The following HECW2 variants were observed in gnomAD, a reference collection of about 807,000 sequenced individuals.
HECW2 encodes E3 ubiquitin-protein ligase HECW2.
In HECW2, 61 loss-of-function variants were observed where a neutral mutation model predicts 175.2. That is an observed-to-expected ratio of 0.35 (90% CI 0.28 to 0.43). The LOEUF is 0.43. HECW2 is among the 20% of genes least tolerant of loss of function. HECW2 has a pLI of 1.00. For missense variants in HECW2, 1,524 were observed against 2,000.5 expected (o/e 0.76, Z 4.54); for synonymous variants, 671 against 731.0 (o/e 0.92, Z 1.32).
At chr2:196,449,878 C>CA (rs1003484056) in intron 1 of HECW2, among the ~76,000 whole-genome samples, 4 of 152,056 alleles carry the variant, frequency 2.6e-5, no homozygotes, top group Admixed American at 2.0e-4. Flanking sequence ...CCACCCTTTG[C>CA]AATGGTGTGA....
At chr2:196,500,077 G>C (rs2125400783) in intron 1 of HECW2, among the ~76,000 whole-genome samples, 1 of 152,032 alleles carries the variant, frequency 6.6e-6, no homozygotes, top group Admixed American at 6.6e-5. Flanking sequence ...CCCCAAAAAT[G>C]TTCCTCCTCA....
At chr2:196,363,897 A>G (rs898694130) in intron 2 of HECW2, among the ~76,000 whole-genome samples, 3 of 152,166 alleles carry the variant, frequency 2.0e-5, no homozygotes, top group African/African-American at 4.8e-5. Context: ...TCTTTTTGGC[A>G]TCAAAGTTGG....
rs550708352 is a variant in HECW2, at chr2:196,470,517, T to C, written c.-35-37059A>G. Among the ~76,000 whole-genome samples the C allele has an allele frequency of 3.0e-3, 462 of 152,304 alleles. 10 individuals carry two copies. Among genetic ancestry groups the C allele is most frequent in the Admixed American group, 4.6e-3 (71 of 15,292 alleles). On this transcript the variant is annotated intron_variant, in intron 1 of 28. Transcript: ENST00000644978. Reference sequence around the variant, plus strand: ...GTCTCTTGCTTTCATATTGAAGTTGTGTTTTGGAGTTTTGTTTTGTTTTCA... The same window carrying C: ...GTCTCTTGCTTTCATATTGAAGTTGCGTTTTGGAGTTTTGTTTTGTTTTCA...
At chr2:196,485,486 C>T (rs1440043947) in intron 1 of HECW2, among the ~76,000 whole-genome samples, 2 of 152,206 alleles carry the variant, frequency 1.3e-5, no homozygotes, top group Non-Finnish European at 2.9e-5. Context: ...CTCTCTGCTT[C>T]CAAGATGGTG....
At chr2:196,490,961 ATAAT>A (rs1251808927) in intron 1 of HECW2, among the ~76,000 whole-genome samples, 1 of 152,222 alleles carries the variant, frequency 6.6e-6, no homozygotes, top group Non-Finnish European at 1.5e-5. Flanking sequence ...GGGTGGGAAA[ATAAT>A]TAACTGTAAA....
intron 2 of HECW2, among the ~76,000 whole-genome samples, chr2:196,419,962 A>G (rs1434851932): frequency 5.3e-5 from 8 of 152,194 alleles, no homozygotes; most frequent in Non-Finnish European, 8.8e-5. Flanking sequence ...AGGCATTACG[A>G]TGGTTCTGGT....
chr2:196,483,426 C>T lies in HECW2; in HGVS notation c.-35-49968G>A, dbSNP rs1052621599. Among the ~76,000 whole-genome samples, 7 of 152,298 alleles carry T rather than the reference C, an allele frequency of 4.6e-5. No individual in the cohort carries two copies. In the South Asian group the frequency reaches 1.2e-3, roughly 27 times the overall value. ...TGATAAGTGTGACAGAATCAATTGC[C>T]ATGGAACACAAAGGGAAAACATCTA... On this transcript the variant is annotated intron_variant, in intron 1 of 28. Coordinates refer to ENST00000644978, the MANE Select transcript of HECW2 (RefSeq NM_001348768.2).
At chr2:196,467,205 A>G (rs1696988915) in intron 1 of HECW2, among the ~76,000 whole-genome samples, 1 of 152,258 alleles carries the variant, frequency 6.6e-6, no homozygotes, top group South Asian at 2.1e-4. Flanking sequence ...AACTCTGCAT[A>G]TGCATTCTTA....
chr2:196,335,197 G>A (rs1217863431), intron 3 of HECW2, among the ~76,000 whole-genome samples: 1 of 152,158 alleles, frequency 6.6e-6, no homozygotes, highest in Non-Finnish European at 1.5e-5. Context: ...ACAGCTTGTG[G>A]CAATCCACAC....
intron 17 of HECW2, among the ~76,000 whole-genome samples, chr2:196,265,491 C>T (rs1040056071): frequency 6.6e-6 from 1 of 151,946 alleles, no homozygotes; most frequent in African/African-American, 2.4e-5. Flanking sequence ...GTCCGCTCCC[C>T]ACCCCCAAAA....
chr2:196,569,940 A>G (rs2125512246), intron 1 of HECW2, among the ~76,000 whole-genome samples: 1 of 152,380 alleles, frequency 6.6e-6, no homozygotes, highest in African/African-American at 2.4e-5. Flanking sequence ...AGGTAGGAGA[A>G]TGCCTGAACC....
intron 2 of HECW2, among the ~76,000 whole-genome samples, chr2:196,348,474 C>G (rs1422110075): frequency 6.6e-6 from 1 of 151,912 alleles, no homozygotes; most frequent in African/African-American, 2.4e-5. Context: ...AAGACCCTGT[C>G]TCTACAAAAA....
chr2:196,548,890 T>C (rs1376517173), intron 1 of HECW2, among the ~76,000 whole-genome samples: 1 of 152,084 alleles, frequency 6.6e-6, no homozygotes, highest in Non-Finnish European at 1.5e-5. Flanking sequence ...CTGCCCATAT[T>C]TCCCCTTTTT....
intron 2 of HECW2, among the ~76,000 whole-genome samples, chr2:196,427,071 T>A (rs1695569029): frequency 6.6e-6 from 1 of 152,168 alleles, no homozygotes; most frequent in African/African-American, 2.4e-5. Context: ...GTAAATTATT[T>A]GTTACCAGTC....
chr2:196,306,875 C>CT (rs1245176381), intron 12 of HECW2, among the ~76,000 whole-genome samples: 1 of 152,052 alleles, frequency 6.6e-6, no homozygotes, highest in Non-Finnish European at 1.5e-5. Context: ...TGATCTGATT[C>CT]TTTTTCCAGT....
chr2:196,275,776 T>C (rs1392446632), intron 15 of HECW2, among the ~76,000 whole-genome samples: 2 of 150,824 alleles, frequency 1.3e-5, no homozygotes, highest in Non-Finnish European at 1.5e-5. Context: ...ATGCAGGAAA[T>C]GTGTTATTTA....
chr2:196,336,773 C>A (rs2105809932), intron 3 of HECW2, among the ~76,000 whole-genome samples: 2 of 152,188 alleles, frequency 1.3e-5, no homozygotes, highest in Admixed American at 6.5e-5. Flanking sequence ...AAAGTAGAAT[C>A]CCTGAAACTA....
chr2:196,565,473 G>T (rs1329778725), intron 1 of HECW2, among the ~76,000 whole-genome samples: 2 of 152,172 alleles, frequency 1.3e-5, no homozygotes, highest in African/African-American at 4.8e-5. Flanking sequence ...TCCTTTGAAA[G>T]TGGGGAATAG....
chr2:196,480,451 C>T (rs946083689), intron 1 of HECW2, among the ~76,000 whole-genome samples: 5 of 152,186 alleles, frequency 3.3e-5, no homozygotes, highest in Admixed American at 6.5e-5. Flanking sequence ...TCCCTCAAGG[C>T]CCCAAGGGTA....
Sources: allele counts gnomAD v4.1 joint callset (sites outside exome capture counted in the v4.1 genomes callset), GRCh38; gene constraint gnomAD v4.1.1; transcripts MANE v1.5; gene names NCBI Gene and HGNC (gene_info 2026-07-23, HGNC 2026-07-21).